NKAIN3: variants seen among roughly 807,000 people sequenced by gnomAD.
NKAIN3 encodes the protein sodium/potassium transporting ATPase interacting 3, also known as sodium/potassium-transporting ATPase subunit beta-1-interacting protein 3.
NKAIN3 carries 25 observed loss-of-function variants against 30.2 expected under a neutral mutation model. That is an observed-to-expected ratio of 0.83 (90% CI 0.60 to 1.16). The LOEUF (loss-of-function observed/expected upper bound fraction) is 1.16, where lower values mean the gene tolerates loss of function less well. Among genes scored for constraint, NKAIN3 ranks in the 50% most tolerant of loss-of-function variants. The pLI is 0.00. For missense variants in NKAIN3, 225 were observed against 254.1 expected, an observed-to-expected ratio of 0.89 and a Z score of 0.78; for synonymous variants, 91 against 89.6, an observed-to-expected ratio of 1.02 and a Z score of -0.09.
intron 2 of NKAIN3, among the ~76,000 whole-genome samples, chr8:62,581,652 A>C (rs1810294822): frequency 6.6e-6 from 1 of 152,288 alleles, no homozygotes; most frequent in East Asian, 1.9e-4. Context: ...GATAAGATCT[A>C]AGAATATTCT....
intron 1 of NKAIN3, among the ~76,000 whole-genome samples, chr8:62,390,550 G>C (rs1004468097): frequency 6.6e-6 from 1 of 152,098 alleles, no homozygotes; most frequent in African/African-American, 2.4e-5. Flanking sequence ...TATTCCTTTG[G>C]GTAATACCCA....
intron 1 of NKAIN3, 22 bp downstream of exon 1, chr8:62,249,149 GC>G (rs953317843): frequency 6.6e-7 from 1 of 1,523,738 alleles, no homozygotes; most frequent in Non-Finnish European, 8.8e-7. Context: ...GAGGGCCCCT[GC>G]CCCAGGACAG....
At chr8:62,702,137 A>G (rs1287634716) in intron 3 of NKAIN3, among the ~76,000 whole-genome samples, 1 of 152,158 alleles carries the variant, frequency 6.6e-6, no homozygotes, top group Non-Finnish European at 1.5e-5. Context: ...CTGCAACCAA[A>G]GGATGCTCAA....
intron 1 of NKAIN3, among the ~76,000 whole-genome samples, chr8:62,369,323 TG>T (rs1816834709): frequency 6.6e-6 from 1 of 152,266 alleles, no homozygotes; most frequent in Non-Finnish European, 1.5e-5. Flanking sequence ...GTGTCTTTTT[TG>T]GTGAATTCAC....
rs143921215 is a variant in NKAIN3, at chr8:62,877,897, G to A, written c.472-40556G>A. Among the ~76,000 whole-genome samples, 1,353 of 152,024 alleles carry A rather than the reference G, an allele frequency of 8.9e-3. 23 individuals are homozygous for A. Among genetic ancestry groups the A allele is most frequent in the Admixed American group, 0.042 (636 of 15,246 alleles). ...CTCTACTAAAAATGCAAAATTAGCC[G>A]GGCATGGTGGCACATGCCTGTAATC... On this transcript the variant is annotated intron_variant, in intron 4 of 6. Coordinates refer to ENST00000623646, the MANE Select transcript of NKAIN3 (RefSeq NM_001304533.3).
intron 1 of NKAIN3, among the ~76,000 whole-genome samples, chr8:62,300,597 A>G (rs1054756517): frequency 3.9e-5 from 6 of 152,300 alleles, no homozygotes; most frequent in East Asian, 3.9e-4. Context: ...ATAAGTAAAA[A>G]GAGCTTTAAA....
intron 3 of NKAIN3, among the ~76,000 whole-genome samples, chr8:62,703,024 A>G (rs1175773739): frequency 6.6e-6 from 1 of 152,192 alleles, no homozygotes; most frequent in African/African-American, 2.4e-5. Context: ...CCCATATGTC[A>G]TTCCTTTCAT....
intron 5 of NKAIN3, among the ~76,000 whole-genome samples, chr8:62,938,254 G>A (rs530594343): frequency 7.9e-5 from 12 of 152,124 alleles, no homozygotes; most frequent in South Asian, 2.1e-4. Context: ...AGCTGATGCC[G>A]TCTTGAAAGC....
intron 1 of NKAIN3, among the ~76,000 whole-genome samples, chr8:62,471,695 C>T (rs901587222): frequency 2.6e-5 from 4 of 152,058 alleles, no homozygotes; most frequent in Admixed American, 2.0e-4. Flanking sequence ...TGACTCACGT[C>T]TATAATCCCA....
At chr8:62,477,282 G>A (rs909465237) in intron 1 of NKAIN3, among the ~76,000 whole-genome samples, 6 of 151,990 alleles carry the variant, frequency 3.9e-5, no homozygotes, top group Admixed American at 1.3e-4. Flanking sequence ...ACACACAAAC[G>A]CATGTTTTTT....
chr8:62,305,624 A>AT (rs1269559136), intron 1 of NKAIN3, among the ~76,000 whole-genome samples: 1 of 150,552 alleles, frequency 6.6e-6, no homozygotes, highest in Non-Finnish European at 1.5e-5. Flanking sequence ...GTCCTTTAAA[A>AT]TATCTGTCCA....
At chr8:62,651,141 A>AT (rs1812609110) in intron 3 of NKAIN3, among the ~76,000 whole-genome samples, 1 of 151,996 alleles carries the variant, frequency 6.6e-6, no homozygotes, top group Non-Finnish European at 1.5e-5. Context: ...CTTCGAAAAG[A>AT]TAAAAGGATG....
intron 1 of NKAIN3, among the ~76,000 whole-genome samples, chr8:62,455,304 C>T (rs537532731): frequency 6.6e-5 from 10 of 152,236 alleles, no homozygotes; most frequent in Non-Finnish European, 1.2e-4. Context: ...AAAGAAAGTG[C>T]GGTTCATGTA....
At chr8:62,584,767 G>A (rs778238016) in intron 2 of NKAIN3, among the ~76,000 whole-genome samples, 17 of 152,146 alleles carry the variant, frequency 1.1e-4, no homozygotes, top group Admixed American at 3.9e-4. Context: ...ACCACTGAAT[G>A]CAAGGGAAAG....
chr8:62,547,242 C>T (rs1809046254), intron 1 of NKAIN3, among the ~76,000 whole-genome samples: 1 of 151,930 alleles, frequency 6.6e-6, no homozygotes, highest in Non-Finnish European at 1.5e-5. Flanking sequence ...GATTTCAACC[C>T]TGTCCTTAGA....
chr8:62,581,106 AAAATAT>A (rs1459701664), intron 2 of NKAIN3, among the ~76,000 whole-genome samples: 3 of 138,182 alleles, frequency 2.2e-5, no homozygotes, highest in Non-Finnish European at 4.6e-5. Context: ...TTGTCTCAAA[AAAATAT>A]AAAATAAAAT....
chr8:62,510,884 T>G (rs1301756702), intron 1 of NKAIN3, among the ~76,000 whole-genome samples: 2 of 152,104 alleles, frequency 1.3e-5, no homozygotes, highest in Non-Finnish European at 2.9e-5. Flanking sequence ...CTTTTTCCTG[T>G]GTTTACTTCC....
chr8:62,544,773 T>C (rs1250916278), intron 1 of NKAIN3, among the ~76,000 whole-genome samples: 3 of 152,146 alleles, frequency 2.0e-5, no homozygotes, highest in Non-Finnish European at 4.4e-5. Flanking sequence ...GCTAAAAATT[T>C]GCATATAACT....
intron 3 of NKAIN3, among the ~76,000 whole-genome samples, chr8:62,597,226 G>A (rs754446087): frequency 3.3e-5 from 5 of 152,118 alleles, no homozygotes; most frequent in Admixed American, 2.6e-4. Flanking sequence ...GTCTTGCCCC[G>A]TTGGCAAGCT....
Sources: gnomAD v4.1 joint callset for allele counts (sites outside exome capture counted in the v4.1 genomes callset) on GRCh38, gnomAD v4.1.1 for gene constraint, MANE v1.5 for transcripts, NCBI Gene and HGNC (gene_info 2026-07-23, HGNC 2026-07-21) for gene names.